The following OLA1 variants were observed in gnomAD, a reference collection of about 807,000 sequenced individuals.
OLA1 encodes the protein obg-like ATPase 1.
A neutral mutation model predicts 48.4 loss-of-function variants in OLA1; 14 were observed. That is an observed-to-expected ratio of 0.29 (90% CI 0.19 to 0.45). The LOEUF is 0.45. Ranked by LOEUF, OLA1 falls within the 20% of genes least tolerant of loss-of-function variation. The probability of loss-of-function intolerance (pLI) is 1.00; values close to 1 mark genes in which losing one functional copy is unlikely to be tolerated. For synonymous variants in OLA1, 127 were observed against 150.4 expected (o/e 0.84, Z 1.14); for missense variants, 325 against 467.1 (o/e 0.70, Z 2.80).
intron 4 of OLA1, among the ~76,000 whole-genome samples, chr2:174,154,611 T>C (rs967555376): frequency 2.6e-5 from 4 of 152,214 alleles, no homozygotes; most frequent in African/African-American, 7.2e-5. Context: ...ACTTGAGTCA[T>C]AGAGGAGTTG....
At chr2:174,146,758 T>A (rs985478897) in intron 4 of OLA1, among the ~76,000 whole-genome samples, 8 of 152,206 alleles carry the variant, frequency 5.3e-5, no homozygotes, top group African/African-American at 1.9e-4. Context: ...TAAAGACAGA[T>A]AAAATTTCTT....
chr2:174,075,257 G>T lies in OLA1; in HGVS notation c.*169C>A, dbSNP rs7274. 0.14 allele frequency: 62,229 copies of T among 441,458 alleles called. 5,171 individuals are homozygous for T. Among genetic ancestry groups the T allele is most frequent in the Middle Eastern group, 0.19 (294 of 1,574 alleles). 27.3% of individuals were successfully genotyped at this position (441,458 alleles called of 1,614,324 possible). A position where few individuals can be genotyped will look rare whatever the true frequency, so the allele number is the denominator to read the frequency against. On this transcript the variant is annotated 3_prime_UTR_variant, in exon 11 of 11. Coordinates refer to ENST00000284719, the MANE Select transcript of OLA1 (RefSeq NM_013341.5). ...ATTTAGTGAACCTGCATTTCATGGG[G>T]GGGGGGGGGTACACAGTATTTTAAT...
intron 4 of OLA1, among the ~76,000 whole-genome samples, chr2:174,143,157 C>T (rs1033772620): frequency 2.6e-5 from 4 of 152,004 alleles, no homozygotes; most frequent in Non-Finnish European, 5.9e-5. Context: ...TATTCAGTAA[C>T]AATAAAACAT....
At chr2:174,098,208 T>C (rs539029335) in intron 7 of OLA1, among the ~76,000 whole-genome samples, 1 of 152,286 alleles carries the variant, frequency 6.6e-6, no homozygotes, top group Non-Finnish European at 1.5e-5. Context: ...AGATGAGAAA[T>C]AAAATATTTT....
intron 4 of OLA1, among the ~76,000 whole-genome samples, chr2:174,186,198 C>T (rs770794018): frequency 6.6e-6 from 1 of 152,040 alleles, no homozygotes; most frequent in African/African-American, 2.4e-5. Context: ...ATTGTCTTCA[C>T]AATAATAATT....
chr2:174,208,329 T>A (rs1688162505), intron 4 of OLA1, among the ~76,000 whole-genome samples: 1 of 152,182 alleles, frequency 6.6e-6, no homozygotes, highest in African/African-American at 2.4e-5. Context: ...TCTACTATAA[T>A]GCCTATATTT....
intron 4 of OLA1, among the ~76,000 whole-genome samples, chr2:174,193,715 AT>A (rs1365966620): frequency 1.3e-5 from 2 of 152,118 alleles, no homozygotes; most frequent in Non-Finnish European, 2.9e-5. Flanking sequence ...AGTAATGTCT[AT>A]TCTATTGTGA....
intron 5 of OLA1, among the ~76,000 whole-genome samples, chr2:174,140,658 C>A (rs555983452): frequency 6.6e-6 from 1 of 151,978 alleles, no homozygotes; most frequent in African/African-American, 2.4e-5. Context: ...TTACCCTGCC[C>A]AAAATCCCCT....
At chr2:174,226,700 T>C (rs1249361422) in intron 3 of OLA1, among the ~76,000 whole-genome samples, 2 of 152,166 alleles carry the variant, frequency 1.3e-5, no homozygotes, top group Non-Finnish European at 2.9e-5. Context: ...GGTTTCTCCA[T>C]GTTAGTCAGG....
In OLA1 at chr2:174,141,809, G is replaced by A. The variant is rs773371451; in HGVS notation, c.549+16C>T. The A allele has an allele frequency of 3.8e-6, 6 of 1,573,262 alleles. No individual in the cohort carries two copies. The highest frequency in any genetic ancestry group is 3.6e-5 in the South Asian group (3 of 84,066). ...AAACTCTTGAGTATCTAAAGAAGCTGTAAATTTTTACTTACATATTCAGGT... is the reference window on the plus strand; with the variant it reads ...AAACTCTTGAGTATCTAAAGAAGCTATAAATTTTTACTTACATATTCAGGT... On this transcript the variant is annotated intron_variant, in intron 5 of 10. Transcript: ENST00000284719.
intron 4 of OLA1, among the ~76,000 whole-genome samples, chr2:174,175,538 A>G (rs1477416778): frequency 6.6e-6 from 1 of 152,068 alleles, no homozygotes; most frequent in African/African-American, 2.4e-5. Flanking sequence ...AATATTCTCT[A>G]TAATGCCTAA....
rs61737492 is a variant in OLA1 at position 174,079,028 on chromosome 2, A to G, written c.1029T>C (p.Ile343=). ...KIHTDFEKGF[I]MAEVMKYEDF... Reference sequence around the variant, plus strand: ...CTTCGTATTTCATTACTTCAGCCATAATGAATCCCTTTTCAAAATCTGTGT... The same window carrying G: ...CTTCGTATTTCATTACTTCAGCCATGATGAATCCCTTTTCAAAATCTGTGT... Residue 343 remains isoleucine, a synonymous_variant, in exon 10 of 11, where the codon ATT becomes ATC. Transcript: ENST00000284719. The G allele has an allele frequency of 1.2e-3, 1,937 of 1,603,978 alleles. 18 individuals carry two copies. In the African/African-American group the frequency reaches 0.022, roughly 18 times the overall value.
chr2:174,182,019 A>AATT (rs1364641496), intron 4 of OLA1, among the ~76,000 whole-genome samples: 2 of 152,182 alleles, frequency 1.3e-5, no homozygotes, highest in Admixed American at 6.5e-5. Flanking sequence ...AGAGGGAGGT[A>AATT]ATTCTTTTCT....
chr2:174,106,930 G>A (rs540479002), intron 7 of OLA1, among the ~76,000 whole-genome samples: 113 of 152,196 alleles, frequency 7.4e-4, no homozygotes, highest in African/African-American at 2.5e-3. Context: ...AGACTCTGTG[G>A]GAGGCTCTTT....
At chr2:174,114,172 C>CAAAAAAAAAAAAA (rs33971592) in intron 7 of OLA1, among the ~76,000 whole-genome samples, 1 of 78,178 alleles carries the variant, frequency 1.3e-5, no homozygotes, top group Non-Finnish European at 2.3e-5. Context: ...ACTAAAAATA[C>CAAAAAAAAAAAAA]AAAAAAAAAA....
chr2:174,244,367 T>C (rs930732904), intron 2 of OLA1, among the ~76,000 whole-genome samples: 1 of 152,234 alleles, frequency 6.6e-6, no homozygotes, highest in Non-Finnish European at 1.5e-5. Flanking sequence ...TATTTAAAAG[T>C]GTAAACAGCA....
At chr2:174,102,917 C>A (rs1438107955) in intron 7 of OLA1, among the ~76,000 whole-genome samples, 1 of 152,038 alleles carries the variant, frequency 6.6e-6, no homozygotes, top group Non-Finnish European at 1.5e-5. Flanking sequence ...GATATTTTTT[C>A]CTTCATTTGT....
intron 4 of OLA1, among the ~76,000 whole-genome samples, chr2:174,158,954 T>C (rs762178207): frequency 5.3e-5 from 8 of 152,212 alleles, no homozygotes; most frequent in Non-Finnish European, 1.0e-4. Context: ...ACTGCTAATA[T>C]GTTATACCTG....
chr2:174,097,472 A>G (rs1429909174), intron 7 of OLA1, among the ~76,000 whole-genome samples: 1 of 152,166 alleles, frequency 6.6e-6, no homozygotes, highest in Non-Finnish European at 1.5e-5. Flanking sequence ...GTTTTTGTTC[A>G]TAACAGAGCT....
Sources: gnomAD v4.1 joint callset for allele counts (sites outside exome capture counted in the v4.1 genomes callset) on GRCh38, gnomAD v4.1.1 for gene constraint, MANE v1.5 for transcripts, NCBI Gene and HGNC (gene_info 2026-07-23, HGNC 2026-07-21) for gene names.